The following SIPA1L1 variants were observed in gnomAD, a reference collection of about 807,000 sequenced individuals.
SIPA1L1 encodes the protein signal-induced proliferation-associated 1-like protein 1.
In SIPA1L1, 26 loss-of-function variants were observed where a neutral mutation model predicts 162.7. That is an observed-to-expected ratio of 0.16 (90% CI 0.12 to 0.22). The LOEUF is 0.22. Among genes scored for constraint, SIPA1L1 ranks in the 10% least tolerant of loss-of-function variants. SIPA1L1 has a pLI of 1.00. For synonymous variants in SIPA1L1, 829 were observed against 837.4 expected (o/e 0.99, Z 0.17); for missense variants, 1,874 against 2,241.0 (o/e 0.84, Z 3.31).
chr14:71,573,092 A>G, intron 4 of SIPA1L1, among the ~76,000 whole-genome samples: 1 of 152,236 alleles, frequency 6.6e-6, no homozygotes, highest in Non-Finnish European at 1.5e-5. Flanking sequence ...AGTGCTATGT[A>G]TTGAAAGTGG....
chr14:71,501,954 G>A (rs188731300), intron 2 of SIPA1L1, among the ~76,000 whole-genome samples: 3 of 150,938 alleles, frequency 2.0e-5, no homozygotes, highest in Admixed American at 2.0e-4. Context: ...GCCGCGGTGG[G>A]AGGGCCACTT....
intron 15 of SIPA1L1, among the ~76,000 whole-genome samples, chr14:71,704,530 C>T (rs1237497572): frequency 6.6e-6 from 1 of 152,140 alleles, no homozygotes; most frequent in African/African-American, 2.4e-5. Flanking sequence ...AGTATTTTGC[C>T]CTGTCCTCTA....
At chr14:71,619,025 T>G (rs934328131) in intron 6 of SIPA1L1, 138 bp downstream of exon 6, 4 of 867,706 alleles carry the variant, frequency 4.6e-6, no homozygotes, top group Admixed American at 2.8e-5. Flanking sequence ...TTTCATTTAT[T>G]CTGGTGGAGA....
intron 4 of SIPA1L1, among the ~76,000 whole-genome samples, chr14:71,549,978 G>A (rs1442299404): frequency 6.6e-6 from 1 of 151,422 alleles, no homozygotes; most frequent in African/African-American, 2.4e-5. Context: ...GGCGAAGGGA[G>A]CTGGGTGTGG....
chr14:71,675,457 G>C (rs536489235), intron 12 of SIPA1L1, among the ~76,000 whole-genome samples: 5 of 152,234 alleles, frequency 3.3e-5, no homozygotes. Flanking sequence ...CCTGGGCAGG[G>C]CAGGTGGGAA....
chr14:71,556,137 G>A (rs985886544), intron 4 of SIPA1L1, among the ~76,000 whole-genome samples: 4 of 152,176 alleles, frequency 2.6e-5, no homozygotes, highest in Admixed American at 1.3e-4. Flanking sequence ...GCAATAAAGT[G>A]AAGTGCCATA....
At chr14:71,553,727 T>C (rs970090158) in intron 4 of SIPA1L1, among the ~76,000 whole-genome samples, 7 of 152,226 alleles carry the variant, frequency 4.6e-5, no homozygotes, top group Non-Finnish European at 1.0e-4. Context: ...TCCCATTGTA[T>C]TGTTTAGGTA....
chr14:71,429,598 C>T (rs944634702), intron 2 of SIPA1L1, among the ~76,000 whole-genome samples: 1 of 152,002 alleles, frequency 6.6e-6, no homozygotes, highest in East Asian at 1.9e-4. Flanking sequence ...CATCCTTGTC[C>T]TTGGCTCTGT....
chr14:71,638,560 T>C (rs1396521985), intron 7 of SIPA1L1, among the ~76,000 whole-genome samples: 2 of 152,196 alleles, frequency 1.3e-5, no homozygotes, highest in Non-Finnish European at 2.9e-5. Context: ...AAAACTTCTA[T>C]AGCTTGCATT....
intron 2 of SIPA1L1, among the ~76,000 whole-genome samples, chr14:71,486,042 A>T (rs867373311): frequency 3.9e-5 from 6 of 152,350 alleles, no homozygotes; most frequent in Non-Finnish European, 7.3e-5. Flanking sequence ...TTCCTGCCCA[A>T]AGAAAACATT....
chr14:71,455,237 A>G (rs1035165623), intron 2 of SIPA1L1, among the ~76,000 whole-genome samples: 1 of 152,100 alleles, frequency 6.6e-6, no homozygotes, highest in Admixed American at 6.5e-5. Context: ...TTTACTTGCA[A>G]ATTGTTTAGT....
rs769869370 is a variant in SIPA1L1, at chr14:71,661,457, G to A, written c.2245G>A (p.Val749Ile). 5 of 1,613,908 alleles carry A rather than the reference G, an allele frequency of 3.1e-6. No homozygotes were observed. In the South Asian group the frequency reaches 5.5e-5, roughly 18 times the overall value. ...GGTGCACAATCCGTGCTCTGACAGT[G>A]TCTGTTATAGGTGTGTATGGGTGTC... ...VRVHNPCSDS[V>I]CYSVAVTRSR... is the part of the protein sequence containing the mutation. The change falls in exon 10 of 24, where the codon GTC (valine) becomes ATC (isoleucine). Residue 749 changes from valine (V) to isoleucine (I), a missense_variant. By Grantham distance (29) the Val-to-Ile change is conservative. Transcript: ENST00000381232.
chr14:71,480,451 C>CT (rs905238370), intron 2 of SIPA1L1, among the ~76,000 whole-genome samples: 1 of 134,792 alleles, frequency 7.4e-6, no homozygotes, highest in African/African-American at 2.9e-5. Context: ...TTCTCTTAGT[C>CT]TTAAAAAAAA....
At chr14:71,524,225 T>C (rs1363162036) in intron 3 of SIPA1L1, among the ~76,000 whole-genome samples, 1 of 152,210 alleles carries the variant, frequency 6.6e-6, no homozygotes, top group African/African-American at 2.4e-5. Flanking sequence ...CTTTCTCCTT[T>C]CTGTATTTGT....
intron 7 of SIPA1L1, among the ~76,000 whole-genome samples, chr14:71,641,960 G>T (rs2041757396): frequency 6.6e-6 from 1 of 152,176 alleles, no homozygotes; most frequent in Non-Finnish European, 1.5e-5. Context: ...TGATTGTGTT[G>T]GGGGTTTGTC....
chr14:71,484,585 C>T (rs1018724739), intron 2 of SIPA1L1, among the ~76,000 whole-genome samples: 14 of 152,094 alleles, frequency 9.2e-5, no homozygotes, highest in African/African-American at 3.4e-4. Flanking sequence ...GGAAATTAAT[C>T]TGCAAGGTTT....
intron 2 of SIPA1L1, among the ~76,000 whole-genome samples, chr14:71,323,248 T>A (rs1290010770): frequency 6.6e-6 from 1 of 152,232 alleles, no homozygotes; most frequent in East Asian, 1.9e-4. Context: ...TTCGGGGGGA[T>A]CTTGGTTGAG....
At chr14:71,689,573 G>T (rs1182301051) in intron 13 of SIPA1L1, among the ~76,000 whole-genome samples, 2 of 152,194 alleles carry the variant, frequency 1.3e-5, no homozygotes, top group African/African-American at 4.8e-5. Flanking sequence ...GTGTTAATAT[G>T]CTTATAAAAG....
At chr14:71,640,362 A>G (rs1199159592) in intron 7 of SIPA1L1, among the ~76,000 whole-genome samples, 1 of 152,202 alleles carries the variant, frequency 6.6e-6, no homozygotes, top group African/African-American at 2.4e-5. Context: ...CTTGATCTAG[A>G]AAGAAAAAAA....
Sources: gnomAD v4.1 joint callset for allele counts (sites outside exome capture counted in the v4.1 genomes callset) on GRCh38, gnomAD v4.1.1 for gene constraint, MANE v1.5 for transcripts, NCBI Gene and HGNC (gene_info 2026-07-23, HGNC 2026-07-21) for gene names.